Variants in KSR2 observed in about 807,000 individuals in gnomAD.
KSR2 encodes the protein kinase suppressor of ras 2.
Under a neutral mutation model 107.8 loss-of-function variants are expected in KSR2, and 25 were observed. That is an observed-to-expected ratio of 0.23 (90% confidence interval 0.17 to 0.32). The LOEUF is 0.32. Among genes scored for constraint, KSR2 ranks in the 10% least tolerant of loss-of-function variants. The pLI, the probability that KSR2 is intolerant of heterozygous loss-of-function variation, is 1.00. For missense variants in KSR2, 887 were observed against 1,268.9 expected (o/e 0.70, Z 4.57); for synonymous variants, 480 against 507.0 (o/e 0.95, Z 0.71).
intron 1 of KSR2, among the ~76,000 whole-genome samples, chr12:117,916,555 A>C (rs1214275204): frequency 2.6e-5 from 4 of 152,208 alleles, no homozygotes; most frequent in Non-Finnish European, 5.9e-5. Context: ...CAGTGGTTAT[A>C]ATTTATGATT....
intron 5 of KSR2, among the ~76,000 whole-genome samples, chr12:117,608,376 G>T (rs947279891): frequency 3.9e-5 from 6 of 152,188 alleles, no homozygotes; most frequent in African/African-American, 1.4e-4. Flanking sequence ...AACCACAGAT[G>T]ATTTTATCGT....
At chr12:117,793,414 C>T (rs1890369252) in intron 3 of KSR2, among the ~76,000 whole-genome samples, 2 of 149,978 alleles carry the variant, frequency 1.3e-5, no homozygotes, top group Admixed American at 6.6e-5. Context: ...CACACATACA[C>T]ACCAAAATGC....
intron 1 of KSR2, among the ~76,000 whole-genome samples, chr12:117,909,509 T>C (rs746716840): frequency 6.6e-6 from 1 of 152,206 alleles, no homozygotes; most frequent in Non-Finnish European, 1.5e-5. Context: ...TGCCTGTTAA[T>C]CTCAGGGAAC....
At chr12:117,684,681 C>A (rs940634314) in intron 4 of KSR2, among the ~76,000 whole-genome samples, 1 of 152,162 alleles carries the variant, frequency 6.6e-6, no homozygotes, top group African/African-American at 2.4e-5. Flanking sequence ...ATGTCAGCAC[C>A]AAGTTCTCTC....
At chr12:117,827,689 G>A (rs2137101683) in intron 3 of KSR2, among the ~76,000 whole-genome samples, 1 of 152,242 alleles carries the variant, frequency 6.6e-6, no homozygotes, top group South Asian at 2.1e-4. Context: ...TAACACAATA[G>A]GTAAGTGTTA....
At chr12:117,796,549 C>T (rs1445797120) in intron 3 of KSR2, among the ~76,000 whole-genome samples, 2 of 152,160 alleles carry the variant, frequency 1.3e-5, no homozygotes, top group East Asian at 1.9e-4. Flanking sequence ...TCGTGTTGGG[C>T]GAAGACTGCG....
chr12:117,905,319 G>C (rs886228747), intron 1 of KSR2, among the ~76,000 whole-genome samples: 1 of 152,106 alleles, frequency 6.6e-6, no homozygotes, highest in African/African-American at 2.4e-5. Flanking sequence ...TTTTAGCTTT[G>C]TCCTAAATAA....
chr12:117,483,366 C>CA (rs1416576872), intron 16 of KSR2, among the ~76,000 whole-genome samples: 1 of 150,012 alleles, frequency 6.7e-6, no homozygotes, highest in African/African-American at 2.5e-5. Context: ...GGGCATTCCT[C>CA]AAAAAAATAA....
intron 1 of KSR2, among the ~76,000 whole-genome samples, chr12:117,890,575 T>A (rs1156937575): frequency 6.6e-6 from 1 of 152,218 alleles, no homozygotes; most frequent in Admixed American, 6.5e-5. Flanking sequence ...TTTTGCAGGT[T>A]CTAAGAACTT....
chr12:117,693,637 T>C (rs1394938456), intron 4 of KSR2, among the ~76,000 whole-genome samples: 2 of 152,178 alleles, frequency 1.3e-5, no homozygotes, highest in African/African-American at 4.8e-5. Context: ...AAGTTGTGCT[T>C]AATAAGTTCT....
At chr12:117,764,031 A>G (rs1889139487) in intron 3 of KSR2, among the ~76,000 whole-genome samples, 1 of 152,170 alleles carries the variant, frequency 6.6e-6, no homozygotes, top group Non-Finnish European at 1.5e-5. Context: ...AACAAGAGCT[A>G]ATTTATAGCA....
chr12:117,794,287 ACTCACACACCAACATG>A (rs1566018944), intron 3 of KSR2, among the ~76,000 whole-genome samples: 1 of 42,030 alleles, frequency 2.4e-5, no homozygotes, highest in Admixed American at 2.9e-4. Context: ...ACCAACATGC[ACTCACACACCAACATG>A]CACACACACC....
rs148029359 is a variant in KSR2, at chr12:117,551,537, C to T, written c.1518+3632G>A. On this transcript the variant is annotated intron_variant, in intron 9 of 19. Transcript: ENST00000339824. ...TACAGCAAGTTAAAGAGCTGAGTTG[C>T]AAGCTCAGACTTCCTGTTTCCAAAA... Among the ~76,000 whole-genome samples the T allele has an allele frequency of 1.3e-4, 20 of 151,814 alleles. No individual in the cohort carries two copies. The East Asian group carries it at 3.7e-3, about 28-fold the overall frequency.
At chr12:117,479,397 TG>T (rs1359305493) in intron 16 of KSR2, among the ~76,000 whole-genome samples, 1 of 152,186 alleles carries the variant, frequency 6.6e-6, no homozygotes, top group Non-Finnish European at 1.5e-5. Flanking sequence ...CCATTAAATT[TG>T]TTCTAATTTA....
At chr12:117,789,219 TGGTA>T (rs940696252) in intron 3 of KSR2, among the ~76,000 whole-genome samples, 1 of 152,128 alleles carries the variant, frequency 6.6e-6, no homozygotes, top group Non-Finnish European at 1.5e-5. Context: ...CTCCGTAAAA[TGGTA>T]GGTGGATGCC....
At chr12:117,919,810 C>CCCCCA (rs1274215562) in intron 1 of KSR2, among the ~76,000 whole-genome samples, 6 of 152,210 alleles carry the variant, frequency 3.9e-5, no homozygotes, top group Non-Finnish European at 2.9e-5. Context: ...TTAGCTTAAG[C>CCCCCA]CCATGGGTAA....
chr12:117,572,735 A>G (rs904345639), intron 7 of KSR2, among the ~76,000 whole-genome samples: 2 of 152,008 alleles, frequency 1.3e-5, no homozygotes, highest in Non-Finnish European at 2.9e-5. Context: ...AAAAAGGAAA[A>G]AGCACCTCTG....
chr12:117,560,097 A>C (rs1490765837), intron 7 of KSR2, among the ~76,000 whole-genome samples: 1 of 152,152 alleles, frequency 6.6e-6, no homozygotes, highest in Non-Finnish European at 1.5e-5. Context: ...TCCTCCAATT[A>C]GTCTAGTTCA....
intron 3 of KSR2, among the ~76,000 whole-genome samples, chr12:117,851,653 G>A (rs1453961684): frequency 6.6e-6 from 1 of 152,150 alleles, no homozygotes; most frequent in Non-Finnish European, 1.5e-5. Flanking sequence ...CACTTTGGGA[G>A]GTCGAGCCGG....
Sources: gnomAD v4.1 joint callset for allele counts (sites outside exome capture counted in the v4.1 genomes callset) on GRCh38, gnomAD v4.1.1 for gene constraint, MANE v1.5 for transcripts, NCBI Gene and HGNC (gene_info 2026-07-23, HGNC 2026-07-21) for gene names.